The following SFMBT2 variants were observed in gnomAD, a reference collection of about 807,000 sequenced individuals.
SFMBT2 encodes the protein Scm like with four mbt domains 2, also known as scm-like with four MBT domains protein 2.
Under a neutral mutation model 110.1 loss-of-function variants are expected in SFMBT2, and 38 were observed. The ratio of observed to expected loss-of-function variants is 0.35; its 90% CI spans 0.27 to 0.45. SFMBT2 has a LOEUF of 0.45. Among genes scored for constraint, SFMBT2 ranks in the 20% least tolerant of loss-of-function variants. The pLI is 1.00. For missense variants in SFMBT2, 1,011 were observed against 1,094.9 expected, an observed-to-expected ratio of 0.92 and a Z score of 1.08; for synonymous variants, 425 against 425.4, an observed-to-expected ratio of 1.00 and a Z score of 0.01.
At chr10:7,347,642 T>A (rs978555628) in intron 4 of SFMBT2, among the ~76,000 whole-genome samples, 3 of 152,180 alleles carry the variant, frequency 2.0e-5, no homozygotes, top group African/African-American at 7.2e-5. Context: ...CGTAGAAAGA[T>A]GCCCCTCTAA....
intron 7 of SFMBT2, among the ~76,000 whole-genome samples, chr10:7,273,132 C>T (rs926301628): frequency 6.6e-6 from 1 of 152,168 alleles, no homozygotes; most frequent in Admixed American, 6.5e-5. Context: ...GATAGCTCAC[C>T]TAAAATTCTA....
intron 4 of SFMBT2, among the ~76,000 whole-genome samples, chr10:7,366,927 G>A (rs940294713): frequency 6.6e-6 from 1 of 152,154 alleles, no homozygotes; most frequent in Non-Finnish European, 1.5e-5. Flanking sequence ...TCCAGATATT[G>A]CCAGGTGTCC....
chr10:7,222,039 A>G (rs1286270698), intron 10 of SFMBT2, among the ~76,000 whole-genome samples: 1 of 152,226 alleles, frequency 6.6e-6, no homozygotes, highest in Non-Finnish European at 1.5e-5. Context: ...GTATAACTAT[A>G]GTTCTTAAAC....
chr10:7,200,632 C>T, intron 13 of SFMBT2, 148 bp from the exon 14 acceptor site: 5 of 557,042 alleles, frequency 9.0e-6, no homozygotes, highest in Non-Finnish European at 1.5e-5. Context: ...GGAGCAATGC[C>T]AGTAAGACCA....
At chr10:7,169,085 C>T (rs1164558008) in intron 20 of SFMBT2, among the ~76,000 whole-genome samples, 1 of 152,188 alleles carries the variant, frequency 6.6e-6, no homozygotes, top group Non-Finnish European at 1.5e-5. Flanking sequence ...GCCTCAGCCT[C>T]CCAAGTAGCT....
At chr10:7,202,423 A>G (rs1338791576) in intron 13 of SFMBT2, 57 bp downstream of exon 13, 4 of 1,608,078 alleles carry the variant, frequency 2.5e-6, no homozygotes, top group African/African-American at 2.7e-5. Context: ...CATCCTCCAT[A>G]AAGACACTAC....
intron 16 of SFMBT2, among the ~76,000 whole-genome samples, chr10:7,177,007 C>A (rs1318367201): frequency 6.6e-6 from 1 of 152,158 alleles, no homozygotes; most frequent in East Asian, 1.9e-4. Context: ...ACTGGCCACT[C>A]CTCTCCTCTA....
At chr10:7,185,547 C>T (rs1838375137) in intron 16 of SFMBT2, among the ~76,000 whole-genome samples, 2 of 152,186 alleles carry the variant, frequency 1.3e-5, no homozygotes, top group South Asian at 4.1e-4. Flanking sequence ...GAGCATGACG[C>T]ACCTAACAGT....
intron 4 of SFMBT2, among the ~76,000 whole-genome samples, chr10:7,322,219 G>A (rs1843213483): frequency 1.3e-5 from 2 of 152,178 alleles, no homozygotes; most frequent in South Asian, 4.1e-4. Context: ...ATACATGGGA[G>A]TTCCCATGCA....
At chr10:7,227,571 T>C (rs925970698) in intron 10 of SFMBT2, among the ~76,000 whole-genome samples, 16 of 152,342 alleles carry the variant, frequency 1.1e-4, no homozygotes, top group African/African-American at 3.8e-4. Flanking sequence ...AACCACCTAC[T>C]AATCAGGAAG....
intron 14 of SFMBT2, among the ~76,000 whole-genome samples, chr10:7,198,724 T>C (rs1564378797): frequency 6.6e-6 from 1 of 152,156 alleles, no homozygotes; most frequent in Non-Finnish European, 1.5e-5. Flanking sequence ...GCAAGCAGAA[T>C]AATTAAATGA....
At chr10:7,278,489 C>T (rs1238799159) in intron 6 of SFMBT2, among the ~76,000 whole-genome samples, 6 of 152,126 alleles carry the variant, frequency 3.9e-5, no homozygotes, top group African/African-American at 7.2e-5. Flanking sequence ...AGGACGCCAA[C>T]GCAGGATCAG....
chr10:7,204,455 T>C, intron 12 of SFMBT2: 2 of 984,580 alleles, frequency 2.0e-6, no homozygotes, highest in Non-Finnish European at 2.4e-6. Flanking sequence ...ACCTGTTATC[T>C]CTAAGGACTC....
intron 11 of SFMBT2, chr10:7,215,678 C>T: frequency 1.0e-6 from 1 of 985,412 alleles, no homozygotes; most frequent in Non-Finnish European, 1.2e-6. Flanking sequence ...GGAGGAGAGT[C>T]CGCTGCAGGT....
chr10:7,247,062 C>T (rs1840639432), intron 8 of SFMBT2, among the ~76,000 whole-genome samples: 1 of 152,140 alleles, frequency 6.6e-6, no homozygotes, highest in Non-Finnish European at 1.5e-5. Flanking sequence ...AAAGCAAAAG[C>T]CAATATATTT....
intron 4 of SFMBT2, among the ~76,000 whole-genome samples, chr10:7,327,309 CA>C (rs1843417919): frequency 6.6e-6 from 1 of 152,138 alleles, no homozygotes; most frequent in South Asian, 2.1e-4. Flanking sequence ...CCACCACCAT[CA>C]GGATACAGTT....
intron 4 of SFMBT2, among the ~76,000 whole-genome samples, chr10:7,361,753 C>T (rs982153614): frequency 6.6e-5 from 10 of 152,160 alleles, no homozygotes; most frequent in Non-Finnish European, 1.0e-4. Context: ...AATTCCAACA[C>T]TTTTATGGCA....
chr10:7,178,590 A>T (rs1480242943), intron 16 of SFMBT2, among the ~76,000 whole-genome samples: 1 of 152,168 alleles, frequency 6.6e-6, no homozygotes, highest in Non-Finnish European at 1.5e-5. Flanking sequence ...ACAACAAAGA[A>T]TTTAGAGTGA....
intron 2 of SFMBT2, chr10:7,370,696 A>G (rs1213361131): frequency 3.9e-6 from 1 of 253,210 alleles, no homozygotes; most frequent in Non-Finnish European, 6.2e-6. Flanking sequence ...TAGCTGCAGT[A>G]GACATCCCAG....
Sources: gnomAD v4.1 joint callset for allele counts (sites outside exome capture counted in the v4.1 genomes callset) on GRCh38, gnomAD v4.1.1 for gene constraint, MANE v1.5 for transcripts, NCBI Gene and HGNC (gene_info 2026-07-23, HGNC 2026-07-21) for gene names.